Variants in ATOSA observed in about 807,000 individuals in gnomAD.
ATOSA encodes atos homolog A.
chr15:52,671,858 A>G, the ATOSA span, among the ~76,000 whole-genome samples: 3 of 151,534 alleles, frequency 2.0e-5, no homozygotes, highest in Non-Finnish European at 2.9e-5. Context: ...AAAACCTAAA[A>G]GGCAGCTAGT....
At chr15:52,587,635 TAAAGTC>T in the ATOSA span, 4 of 152,590 alleles carry the variant, frequency 2.6e-5, no homozygotes, top group Non-Finnish European at 5.8e-5. Context: ...TGGCCAAAAA[TAAAGTC>T]AATTCTTCAG....
At chr15:52,663,146 A>G in the ATOSA span, among the ~76,000 whole-genome samples, 2 of 152,088 alleles carry the variant, frequency 1.3e-5, no homozygotes, top group African/African-American at 4.8e-5. Flanking sequence ...CTATCTTCAC[A>G]CCTTAACTCA....
the ATOSA span, among the ~76,000 whole-genome samples, chr15:52,595,290 C>G: frequency 1.3e-5 from 2 of 152,162 alleles, no homozygotes; most frequent in African/African-American, 4.8e-5. Context: ...AGACAATAAA[C>G]GTCTCTAAGG....
At chr15:52,582,222 C>T in the ATOSA span, 5 of 1,602,956 alleles carry the variant, frequency 3.1e-6, no homozygotes, top group Non-Finnish European at 4.3e-6. Context: ...TATGCAGCAC[C>T]GCTATCAACC....
At chr15:52,605,126 T>G in the ATOSA span, 10 of 1,588,314 alleles carry the variant, frequency 6.3e-6, no homozygotes, top group Non-Finnish European at 8.6e-6. Context: ...AGAAAAAAAA[T>G]GCTTACAGGG....
At chr15:52,619,577 GGCTCACTCCTGTA>G in the ATOSA span, among the ~76,000 whole-genome samples, 4 of 152,120 alleles carry the variant, frequency 2.6e-5, no homozygotes, top group African/African-American at 9.7e-5. Context: ...CAGGTGTGGT[GGCTCACTCCTGTA>G]GCTCACTCCT....
the ATOSA span, among the ~76,000 whole-genome samples, chr15:52,621,336 A>G: frequency 0.04 from 6,039 of 152,332 alleles, 330 homozygotes; most frequent in African/African-American, 0.13. Context: ...AAGCAAACAC[A>G]TAATCCCACA....
chr15:52,617,756 ATATT>A, the ATOSA span, among the ~76,000 whole-genome samples: 30 of 109,222 alleles, frequency 2.7e-4, no homozygotes, highest in Admixed American at 2.2e-3. Flanking sequence ...TTTTATTTAA[ATATT>A]TATTTATTAA....
the ATOSA span, among the ~76,000 whole-genome samples, chr15:52,669,343 C>T: frequency 2.0e-5 from 3 of 152,066 alleles, no homozygotes; most frequent in Non-Finnish European, 4.4e-5. Context: ...GTCAAACACA[C>T]CAAATATGAT....
chr15:52,709,215 G>A, the ATOSA span, among the ~76,000 whole-genome samples: 6 of 152,136 alleles, frequency 3.9e-5, no homozygotes, highest in Non-Finnish European at 5.9e-5. Flanking sequence ...ACCCACGATT[G>A]ATCATTTTGA....
At chr15:52,611,143 T>C in the ATOSA span, 2 of 1,613,538 alleles carry the variant, frequency 1.2e-6, no homozygotes, top group Non-Finnish European at 1.7e-6. Flanking sequence ...TAGAGAATAT[T>C]TCGTGGAATA....
chr15:52,658,409 G>A, the ATOSA span: 16,190 of 210,396 alleles, frequency 0.077, 773 homozygotes, highest in Middle Eastern at 0.13. Context: ...AGAGCTCTCC[G>A]TTTTCAATGC....
chr15:52,637,489 C>T, the ATOSA span, among the ~76,000 whole-genome samples: 50 of 152,262 alleles, frequency 3.3e-4, no homozygotes, highest in Middle Eastern at 0.027. Context: ...AAGCCAAAAA[C>T]GTAGTAATTG....
At chr15:52,641,501 G>A in the ATOSA span, among the ~76,000 whole-genome samples, 2 of 152,204 alleles carry the variant, frequency 1.3e-5, no homozygotes, top group Non-Finnish European at 2.9e-5. Flanking sequence ...AGGGGGTGAT[G>A]GACCAGAAGT....
chr15:52,670,396 C>T, the ATOSA span, among the ~76,000 whole-genome samples: 1 of 152,172 alleles, frequency 6.6e-6, no homozygotes, highest in African/African-American at 2.4e-5. Context: ...GAGCAAAAAA[C>T]AAAACCGTTG....
the ATOSA span, among the ~76,000 whole-genome samples, chr15:52,653,261 G>C: frequency 0.051 from 7,699 of 152,202 alleles, 353 homozygotes; most frequent in East Asian, 0.26. Flanking sequence ...TGAGCACTAT[G>C]AGGCTATTTT....
the ATOSA span, among the ~76,000 whole-genome samples, chr15:52,614,077 A>C: frequency 6.6e-6 from 1 of 151,854 alleles, no homozygotes; most frequent in Admixed American, 6.6e-5. Context: ...CTGGTATATT[A>C]ATTATAATTG....
At chr15:52,589,832 G>T in the ATOSA span, among the ~76,000 whole-genome samples, 4 of 151,462 alleles carry the variant, frequency 2.6e-5, no homozygotes, top group Admixed American at 2.0e-4. Context: ...CTGTCATCCA[G>T]ACTGGAGTGC....
the ATOSA span, among the ~76,000 whole-genome samples, chr15:52,615,112 A>G: frequency 6.6e-6 from 1 of 152,196 alleles, no homozygotes; most frequent in Non-Finnish European, 1.5e-5. Context: ...CTTTTACTAT[A>G]TAGTAATAAC....
Sources: gnomAD v4.1 joint callset for allele counts (sites outside exome capture counted in the v4.1 genomes callset) on GRCh38, gnomAD v4.1.1 for gene constraint, MANE v1.5 for transcripts, NCBI Gene and HGNC (gene_info 2026-07-23, HGNC 2026-07-21) for gene names.